Variants in UQCRH observed in about 807,000 individuals in gnomAD.
UQCRH encodes the protein cytochrome b-c1 complex subunit 6, mitochondrial.
In UQCRH, 14 loss-of-function variants were observed where a neutral mutation model predicts 16.3. The observed-to-expected ratio is 0.86, with a 90% CI of 0.57 to 1.34. The LOEUF is 1.34. Ranked by LOEUF, UQCRH falls within the 40% of genes most tolerant of loss-of-function variation. UQCRH has a pLI of 0.00. For missense variants in UQCRH, 89 were observed against 111.9 expected (o/e 0.80, Z 0.92); for synonymous variants, 41 against 41.9 (o/e 0.98, Z 0.08).
chr1:46,309,594 C>T (rs142737154), intron 2 of UQCRH: 2,195 of 180,322 alleles, frequency 0.012, 67 homozygotes, highest in African/African-American at 0.05. Flanking sequence ...TGCTCGAACC[C>T]GAGAGGCGGA....
intron 1 of UQCRH, among the ~76,000 whole-genome samples, chr1:46,306,736 C>A (rs1275547531): frequency 6.6e-6 from 1 of 152,116 alleles, no homozygotes; most frequent in Non-Finnish European, 1.5e-5. Context: ...GAATTTACAT[C>A]CTAAATAGCA....
chr1:46,313,506 G>T (rs1222070890), intron 3 of UQCRH, among the ~76,000 whole-genome samples: 2 of 152,152 alleles, frequency 1.3e-5, no homozygotes, highest in African/African-American at 4.8e-5. Flanking sequence ...GCGGGCGCCT[G>T]TAGTCCCAGC....
intron 1 of UQCRH, among the ~76,000 whole-genome samples, chr1:46,304,508 C>T (rs1661325794): frequency 6.6e-6 from 1 of 151,976 alleles, no homozygotes; most frequent in Non-Finnish European, 1.5e-5. Flanking sequence ...GCCTCAGCCT[C>T]CCAGGTAGCT....
rs72883429 is a variant in UQCRH at position 46,304,331 on chromosome 1, G to A, written c.54+511G>A. Among the ~76,000 whole-genome samples, 1,091 of 152,282 alleles carry A rather than the reference G, an allele frequency of 7.2e-3. 17 individuals are homozygous for A. Among genetic ancestry groups the A allele is most frequent in the Middle Eastern group, 0.034 (10 of 294 alleles). On this transcript the variant is annotated intron_variant, in intron 1 of 3. Coordinates refer to ENST00000311672, the MANE Select transcript of UQCRH (RefSeq NM_006004.4). ...GAGGGAGCTCTTTCCCAGAGAAAGAGTGCTGCTATAATTATTGACTGCTTG... is the reference window on the plus strand; with the variant it reads ...GAGGGAGCTCTTTCCCAGAGAAAGAATGCTGCTATAATTATTGACTGCTTG...
Position 46,311,545 on chromosome 1 carries a change from A to AAAT in UQCRH, c.243+1233_243+1235dup, listed in dbSNP as rs534263303. On this transcript the variant is annotated intron_variant, in intron 3 of 3. Transcript: ENST00000311672. ...GTGAGCCAAGGTTGCGCCAAAAAAA[A>AAAT]AATAATTTGTATCCTCAAATGTGTC... Among the ~76,000 whole-genome samples, 157 of 151,916 alleles carry AAAT rather than the reference A, an allele frequency of 1.0e-3. 2 individuals are homozygous for AAAT. In the South Asian group the frequency reaches 0.016, roughly 16 times the overall value.
At chr1:46,310,687 C>G (rs1430143705) in intron 3 of UQCRH, among the ~76,000 whole-genome samples, 1 of 152,152 alleles carries the variant, frequency 6.6e-6, no homozygotes, top group Non-Finnish European at 1.5e-5. Flanking sequence ...AGGCTGGTCT[C>G]AAACTCCTGG....
chr1:46,308,978 C>T, intron 1 of UQCRH, 123 bp from the exon 2 acceptor site: 2 of 1,199,480 alleles, frequency 1.7e-6, no homozygotes, highest in Non-Finnish European at 2.4e-6. Flanking sequence ...CATCATAAAA[C>T]ACAGAAAACA....
intron 1 of UQCRH, 57 bp from the exon 2 acceptor site, chr1:46,309,044 C>G (rs909990025): frequency 1.3e-6 from 2 of 1,570,802 alleles, no homozygotes; most frequent in African/African-American, 2.7e-5. Context: ...TCAGTATGAT[C>G]AGGAATAAAT....
In UQCRH at chr1:46,316,626, T is replaced by G. The variant is rs1440363487; in HGVS notation, c.*42T>G. On this transcript the variant is annotated 3_prime_UTR_variant, in exon 4 of 4. Transcript: ENST00000311672. ...CACCCCAGTCTTCATCATCTGGGCA[T>G]CAGAATATTTCCTTATGGTTTTGGA... is the stretch of plus-strand genomic sequence containing the variant. 6.2e-7 allele frequency: 1 copy of G among 1,609,220 alleles called. No individual in the cohort carries two copies. The highest frequency in any genetic ancestry group is 8.5e-7 in the Non-Finnish European group (1 of 1,178,906).
At chr1:46,305,046 G>A (rs1038164603) in intron 1 of UQCRH, among the ~76,000 whole-genome samples, 2 of 151,842 alleles carry the variant, frequency 1.3e-5, no homozygotes, top group Admixed American at 6.6e-5. Context: ...GGGCGCAGTG[G>A]CTCACGCCTG....
chr1:46,310,072 G>A (rs1661439185), intron 2 of UQCRH, 83 bp from the exon 3 acceptor site: 1 of 1,589,052 alleles, frequency 6.3e-7, no homozygotes, highest in Non-Finnish European at 8.6e-7. Flanking sequence ...CCTTGGTTTG[G>A]TGGTTGTGTT....
rs1304152164 is a variant in UQCRH at position 46,306,426 on chromosome 1, T to C, written c.54+2606T>C. ...TGACGGAGTCTCGCTCTTGCCTGGC[T>C]GGAGTACAGTGGCGCGATCTCACTG... On this transcript the variant is annotated intron_variant, in intron 1 of 3. Transcript: ENST00000311672. Among the ~76,000 whole-genome samples, 4 of 146,412 alleles carry C rather than the reference T, an allele frequency of 2.7e-5. No individual in the cohort carries two copies. The East Asian group carries it at 5.9e-4, about 22-fold the overall frequency.
intron 1 of UQCRH, 68 bp downstream of exon 1, chr1:46,303,888 C>G: frequency 6.2e-7 from 1 of 1,604,932 alleles, no homozygotes. Context: ...CGCCAAAACA[C>G]GCACGGGGCC....
chr1:46,310,143 T>C lies in UQCRH; in HGVS notation c.82-12T>C, dbSNP rs377206046. The C allele has an allele frequency of 6.2e-7, 1 of 1,614,154 alleles. No homozygotes were observed. The highest frequency in any genetic ancestry group is 1.3e-5 in the African/African-American group (1 of 75,034). On this transcript the variant is annotated splice_polypyrimidine_tract_variant and intron_variant, in intron 2 of 3. Transcript: ENST00000311672. ...AAATGCCCATTTTGTTTTTTTTCTG[T>C]TTCTACATCAGGATCCCCTAACAAC...
intron 2 of UQCRH, 111 bp from the exon 3 acceptor site, chr1:46,310,044 G>T: frequency 6.4e-7 from 1 of 1,552,040 alleles, no homozygotes; most frequent in Non-Finnish European, 8.7e-7. Context: ...CCTTCTGCAC[G>T]GTAATTCAGA....
At chr1:46,312,853 A>C (rs1475257852) in intron 3 of UQCRH, among the ~76,000 whole-genome samples, 1 of 152,138 alleles carries the variant, frequency 6.6e-6, no homozygotes, top group Non-Finnish European at 1.5e-5. Context: ...ACGTATGAAA[A>C]GATGTTCAAC....
intron 1 of UQCRH, among the ~76,000 whole-genome samples, chr1:46,305,298 CAAAA>C (rs11444271): frequency 7.7e-5 from 5 of 64,998 alleles, no homozygotes; most frequent in South Asian, 5.3e-4. Context: ...GACCCTGTCT[CAAAA>C]AAAAAAAAAA....
chr1:46,311,214 A>G (rs542217576), intron 3 of UQCRH, among the ~76,000 whole-genome samples: 326 of 151,946 alleles, frequency 2.1e-3, no homozygotes, highest in Non-Finnish European at 2.8e-3. Flanking sequence ...ATGCACCACT[A>G]AACAGTGGGG....
intron 3 of UQCRH, among the ~76,000 whole-genome samples, chr1:46,311,876 G>T (rs1320022062): frequency 6.6e-6 from 1 of 150,884 alleles, no homozygotes; most frequent in Non-Finnish European, 1.5e-5. Flanking sequence ...TGATCCACCT[G>T]CCTCAGCCTT....
Sources: allele counts gnomAD v4.1 joint callset (sites outside exome capture counted in the v4.1 genomes callset), GRCh38; gene constraint gnomAD v4.1.1; transcripts MANE v1.5; gene names NCBI Gene and HGNC (gene_info 2026-07-23, HGNC 2026-07-21).